The following SLC6A6 variants were observed in gnomAD, a reference collection of about 807,000 sequenced individuals.
SLC6A6 encodes the protein solute carrier family 6 member 6.
Under a neutral mutation model 68.8 loss-of-function variants are expected in SLC6A6, and 16 were observed. That is an observed-to-expected ratio of 0.23 (90% CI 0.16 to 0.35). The LOEUF is 0.35. Among genes scored for constraint, SLC6A6 ranks in the 10% least tolerant of loss-of-function variants. The probability of loss-of-function intolerance (pLI) is 1.00; values close to 1 mark genes in which losing one functional copy is unlikely to be tolerated. For missense variants in SLC6A6, 474 were observed against 802.8 expected, an observed-to-expected ratio of 0.59 and a Z score of 4.95; for synonymous variants, 312 against 315.4, an observed-to-expected ratio of 0.99 and a Z score of 0.12.
At chr3:14,455,545 G>A (rs1700347730) in intron 5 of SLC6A6, among the ~76,000 whole-genome samples, 1 of 152,336 alleles carries the variant, frequency 6.6e-6, no homozygotes, top group South Asian at 2.1e-4. Context: ...CCCCAGCGTG[G>A]GACAGGACAG....
At chr3:14,442,855 C>T (rs960503053) in intron 2 of SLC6A6, among the ~76,000 whole-genome samples, 3 of 152,222 alleles carry the variant, frequency 2.0e-5, no homozygotes, top group African/African-American at 7.2e-5. Flanking sequence ...CCTGGAATCA[C>T]AGCAAGCCAG....
At chr3:14,473,317 G>T (rs1247079193) in intron 10 of SLC6A6, among the ~76,000 whole-genome samples, 1 of 152,226 alleles carries the variant, frequency 6.6e-6, no homozygotes, top group Non-Finnish European at 1.5e-5. Context: ...GAGCCCCTCA[G>T]GCAGCGCCAT....
chr3:14,427,129 G>T (rs1491003725), intron 2 of SLC6A6, among the ~76,000 whole-genome samples: 32 of 144,958 alleles, frequency 2.2e-4, no homozygotes, highest in Non-Finnish European at 1.0e-4. Context: ...GGCTGCTTCT[G>T]TGCCTCAGAG....
At chr3:14,463,794 T>C (rs955257079) in intron 6 of SLC6A6, among the ~76,000 whole-genome samples, 8 of 152,114 alleles carry the variant, frequency 5.3e-5, no homozygotes, top group Admixed American at 3.9e-4. Flanking sequence ...CTGGAGAAAC[T>C]GAGGCCTGGA....
In SLC6A6 at chr3:14,478,571, G is replaced by A; in HGVS notation, c.1450+3G>A. On this transcript the variant is annotated splice_donor_region_variant and intron_variant, in intron 12 of 14. Coordinates refer to ENST00000622186, the MANE Select transcript of SLC6A6 (RefSeq NM_003043.6). ...TTTTGTTATTGCCTGGATATATGGT[G>A]AGTACAGATTTTTTCATGTCCTTTC... 2 of 1,567,396 alleles carry A rather than the reference G, an allele frequency of 1.3e-6. No individual in the cohort carries two copies. Among genetic ancestry groups the A allele is most frequent in the Non-Finnish European group, 8.8e-7 (1 of 1,137,442 alleles).
intron 3 of SLC6A6, 75 bp downstream of exon 3, chr3:14,443,938 G>T (rs376185365): frequency 9.5e-7 from 1 of 1,052,334 alleles, no homozygotes; most frequent in South Asian, 1.3e-5. Context: ...GGACCAGAGC[G>T]TGGGTGGCCT....
rs1428460456 is a variant in SLC6A6 at position 14,484,980 on chromosome 3, C to T, written c.1836C>T (p.Thr612=). The T allele has an allele frequency of 1.2e-6, 2 of 1,613,192 alleles. No homozygotes were observed. Among genetic ancestry groups the T allele is most frequent in the Admixed American group, 1.7e-5 (1 of 59,976 alleles). Reference sequence around the variant, plus strand: ...TGAACGGCGCTCTCGTGAAACCGACCCACATCATTGTGGAGACCATGATGT... The same window carrying T: ...TGAACGGCGCTCTCGTGAAACCGACTCACATCATTGTGGAGACCATGATGT... ...TVMNGALVKP[T]HIIVETMM is the part of the protein sequence containing the mutation. The change falls in exon 15 of 15, where the codon ACC becomes ACT. Residue 612 remains threonine, a synonymous_variant. Coordinates refer to ENST00000622186, the MANE Select transcript of SLC6A6 (RefSeq NM_003043.6).
chr3:14,436,412 C>T (rs1205169579), intron 2 of SLC6A6, among the ~76,000 whole-genome samples: 2 of 152,030 alleles, frequency 1.3e-5, no homozygotes, highest in Non-Finnish European at 2.9e-5. Flanking sequence ...ATGTGTTGCC[C>T]AGGCTTATCT....
intron 1 of SLC6A6, among the ~76,000 whole-genome samples, chr3:14,403,099 T>A (rs1458998883): frequency 6.6e-6 from 1 of 151,318 alleles, no homozygotes; most frequent in African/African-American, 2.4e-5. Flanking sequence ...TGTGTGTGTG[T>A]GTGTGTGTGT....
At chr3:14,407,948 G>A (rs1041386483) in intron 1 of SLC6A6, among the ~76,000 whole-genome samples, 2 of 134,832 alleles carry the variant, frequency 1.5e-5, no homozygotes, top group African/African-American at 2.7e-5. Context: ...TATATCAGGA[G>A]TTGATTTTTT....
At position 14,445,231 on chromosome 3, in the gene SLC6A6, A is replaced by G. The variant is rs553079486; in HGVS notation, c.230-486A>G. On this transcript the variant is annotated intron_variant, in intron 3 of 14. Transcript: ENST00000622186. Reference sequence around the variant, plus strand: ...AGGTCAGGAGATTGAGAACATCCTGACTAACATGGTGAAACCCTGTCTCTA... The same window carrying G: ...AGGTCAGGAGATTGAGAACATCCTGGCTAACATGGTGAAACCCTGTCTCTA... Among the ~76,000 whole-genome samples, 619 of 150,574 alleles carry G rather than the reference A, an allele frequency of 4.1e-3. 1 individual carries two copies. Among genetic ancestry groups the G allele is most frequent in the African/African-American group, 0.014 (566 of 40,630 alleles).
At chr3:14,408,855 G>A (rs1699169253) in intron 1 of SLC6A6, among the ~76,000 whole-genome samples, 1 of 151,798 alleles carries the variant, frequency 6.6e-6, no homozygotes. Context: ...CGCCCAGGCT[G>A]GAGTGCAGTG....
chr3:14,470,710 G>GC (rs1700732522), intron 9 of SLC6A6, among the ~76,000 whole-genome samples: 1 of 152,154 alleles, frequency 6.6e-6, no homozygotes, highest in Non-Finnish European at 1.5e-5. Context: ...GACCAGTGGG[G>GC]CCCCGGTCTG....
intron 6 of SLC6A6, among the ~76,000 whole-genome samples, chr3:14,465,988 G>A (rs1269011860): frequency 6.6e-6 from 1 of 152,186 alleles, no homozygotes; most frequent in African/African-American, 2.4e-5. Context: ...GTGGGCTGGC[G>A]CTGTGGCTCA....
At chr3:14,445,669 G>A (rs760182342) in intron 3 of SLC6A6, 48 bp from the exon 4 acceptor site, 1 of 1,612,402 alleles carries the variant, frequency 6.2e-7, no homozygotes, top group Non-Finnish European at 8.5e-7. Flanking sequence ...TTCTGCGTCG[G>A]CGCTGCCATG....
intron 2 of SLC6A6, among the ~76,000 whole-genome samples, chr3:14,433,920 G>A (rs1699792592): frequency 6.6e-6 from 1 of 152,046 alleles, no homozygotes; most frequent in African/African-American, 2.4e-5. Flanking sequence ...GACAATCCAG[G>A]GCTTTTAGCC....
intron 9 of SLC6A6, among the ~76,000 whole-genome samples, chr3:14,471,594 A>T (rs1700753587): frequency 6.6e-6 from 1 of 152,126 alleles, no homozygotes; most frequent in Non-Finnish European, 1.5e-5. Context: ...CCCTGCACCC[A>T]TGTTCCCTCA....
At chr3:14,416,564 C>T (rs1559285372) in intron 2 of SLC6A6, 111 bp downstream of exon 2, 10 of 396,650 alleles carry the variant, frequency 2.5e-5, no homozygotes, top group Non-Finnish European at 3.6e-5. Flanking sequence ...GAGGACAAGA[C>T]GGGACCCCTG....
At chr3:14,453,149 A>C (rs1485932820) in intron 5 of SLC6A6, among the ~76,000 whole-genome samples, 1 of 152,194 alleles carries the variant, frequency 6.6e-6, no homozygotes, top group East Asian at 1.9e-4. Flanking sequence ...ATGGCCAATA[A>C]ATGGCTGGCG....
Sources: gnomAD v4.1 joint callset for allele counts (sites outside exome capture counted in the v4.1 genomes callset) on GRCh38, gnomAD v4.1.1 for gene constraint, MANE v1.5 for transcripts, NCBI Gene and HGNC (gene_info 2026-07-23, HGNC 2026-07-21) for gene names.